The following RARB variants were observed in gnomAD, a reference collection of about 807,000 sequenced individuals.
RARB encodes the protein HBV-activated protein.
In RARB, 17 loss-of-function variants were observed where a neutral mutation model predicts 51.9. The ratio of observed to expected loss-of-function variants is 0.33; its 90% CI spans 0.22 to 0.49. The LOEUF (loss-of-function observed/expected upper bound fraction) is 0.49, where lower values mean the gene tolerates loss of function less well. RARB is among the 20% of genes least tolerant of loss of function. The pLI is 0.99. For missense variants in RARB, 369 were observed against 550.8 expected, an observed-to-expected ratio of 0.67 and a Z score of 3.30; for synonymous variants, 215 against 195.4, an observed-to-expected ratio of 1.10 and a Z score of -0.84.
chr3:25,490,800 T>C (rs1696695119), intron 2 of RARB, among the ~76,000 whole-genome samples: 1 of 152,200 alleles, frequency 6.6e-6, no homozygotes, highest in Admixed American at 6.5e-5. Context: ...TCGGTAACTA[T>C]GGATTTCACC....
chr3:25,211,179 A>T (rs772917490), intron 5 of RARB, among the ~76,000 whole-genome samples: 9 of 152,238 alleles, frequency 5.9e-5, no homozygotes, highest in African/African-American at 9.6e-5. Flanking sequence ...ACCAAGGACC[A>T]AGATAGACAT....
intron 3 of RARB, among the ~76,000 whole-genome samples, chr3:25,534,902 G>A (rs145163443): frequency 1.4e-3 from 207 of 152,130 alleles, no homozygotes; most frequent in African/African-American, 4.9e-3. Flanking sequence ...CTTCCTTCAG[G>A]TGCACCCAGA....
chr3:24,913,276 G>A (rs189898481), intron 2 of RARB, among the ~76,000 whole-genome samples: 66 of 151,978 alleles, frequency 4.3e-4, no homozygotes, highest in South Asian at 3.9e-3. Context: ...GAGCCACCGC[G>A]CCCAGCCGGT....
At chr3:25,266,477 T>C (rs1406881473) in intron 5 of RARB, among the ~76,000 whole-genome samples, 1 of 152,178 alleles carries the variant, frequency 6.6e-6, no homozygotes, top group African/African-American at 2.4e-5. Context: ...TGCAAATATT[T>C]TTTCTTAATT....
intron 5 of RARB, among the ~76,000 whole-genome samples, chr3:25,286,477 T>C (rs1703660317): frequency 6.6e-6 from 1 of 152,206 alleles, no homozygotes; most frequent in African/African-American, 2.4e-5. Flanking sequence ...AGAAGCCCTC[T>C]GATGTTTCTC....
At chr3:24,829,936 G>C (rs1702257999) in intron 1 of RARB, among the ~76,000 whole-genome samples, 1 of 152,214 alleles carries the variant, frequency 6.6e-6, no homozygotes, top group Non-Finnish European at 1.5e-5. Context: ...CTCCAGGCCG[G>C]GGTGTCGGAC....
intron 5 of RARB, among the ~76,000 whole-genome samples, chr3:25,202,835 G>A (rs1701431067): frequency 6.6e-6 from 1 of 152,200 alleles, no homozygotes; most frequent in Non-Finnish European, 1.5e-5. Flanking sequence ...TACTTTTGCT[G>A]AGGAGTGCTT....
intron 4 of RARB, among the ~76,000 whole-genome samples, chr3:25,149,733 G>C (rs321535): frequency 0.97 from 147,324 of 152,308 alleles, 71,277 homozygotes; most frequent in African/African-American, 0.99. Flanking sequence ...CTGTCCCTCT[G>C]TCCCACCTCC....
At chr3:25,274,234 A>G (rs1410784840) in intron 5 of RARB, among the ~76,000 whole-genome samples, 3 of 152,238 alleles carry the variant, frequency 2.0e-5, no homozygotes, top group Non-Finnish European at 2.9e-5. Context: ...TAACTAGTAT[A>G]CATTTTGTTT....
rs1377531256 is a variant in RARB, at chr3:25,167,461, G to A, written c.-279-6658G>A. On this transcript the variant is annotated intron_variant, in intron 4 of 11. Transcript: ENST00000383772. Reference sequence around the variant, plus strand: ...ACAAAGTACTGAAAGCAGATTGCTAGGTGTCTAAAGAAGAAGATGAAAAGG... The same window carrying A: ...ACAAAGTACTGAAAGCAGATTGCTAAGTGTCTAAAGAAGAAGATGAAAAGG... 2.0e-5 allele frequency among the ~76,000 whole-genome samples: 3 copies of A among 152,170 alleles called. 1 individual carries two copies. The highest frequency in any genetic ancestry group is 2.0e-4 in the Admixed American group (3 of 15,276).
chr3:25,186,884 CCTGTGTGT>C (rs1361737337), intron 5 of RARB, among the ~76,000 whole-genome samples: 31 of 58,818 alleles, frequency 5.3e-4, no homozygotes, highest in African/African-American at 1.5e-3. Flanking sequence ...AAAAGGTAAG[CCTGTGTGT>C]GTGTGTGTGT....
chr3:25,125,122 T>C (rs554524196), intron 3 of RARB, among the ~76,000 whole-genome samples: 6 of 152,272 alleles, frequency 3.9e-5, no homozygotes, highest in Admixed American at 6.5e-5. Flanking sequence ...TCAAAAAATA[T>C]TGATTTTTTT....
chr3:25,322,798 A>G (rs17016187), intron 5 of RARB, among the ~76,000 whole-genome samples: 32,143 of 152,092 alleles, frequency 0.21, 3,808 homozygotes, highest in African/African-American at 0.32. Flanking sequence ...GCACATAAGC[A>G]CAGATACCCA....
At chr3:24,853,080 C>T (rs1427105613) in intron 1 of RARB, among the ~76,000 whole-genome samples, 1 of 151,504 alleles carries the variant, frequency 6.6e-6, no homozygotes, top group African/African-American at 2.4e-5. Context: ...TTTGGGAGGC[C>T]GAGACGGGTG....
chr3:25,455,440 A>T (rs181275572), intron 1 of RARB, among the ~76,000 whole-genome samples: 3 of 152,334 alleles, frequency 2.0e-5, no homozygotes, highest in Admixed American at 1.3e-4. Context: ...CACTTTGAGG[A>T]ACATTGATTT....
intron 2 of RARB, among the ~76,000 whole-genome samples, chr3:24,879,405 G>A (rs957420826): frequency 3.0e-4 from 45 of 151,240 alleles, no homozygotes; most frequent in Non-Finnish European, 5.3e-4. Flanking sequence ...TTCCAGCCTG[G>A]GCGACAGAGC....
chr3:24,853,362 T>A (rs1360698526), intron 1 of RARB, among the ~76,000 whole-genome samples: 1 of 152,174 alleles, frequency 6.6e-6, no homozygotes, highest in Non-Finnish European at 1.5e-5. Flanking sequence ...TTTATAGATT[T>A]TGATTATTTC....
chr3:24,956,062 G>A (rs1696008119), intron 2 of RARB, among the ~76,000 whole-genome samples: 1 of 152,142 alleles, frequency 6.6e-6, no homozygotes, highest in African/African-American at 2.4e-5. Context: ...TCTCTGAATT[G>A]AGGGGTTGGG....
chr3:25,356,967 A>G (rs146054248), intron 5 of RARB, among the ~76,000 whole-genome samples: 5,747 of 152,300 alleles, frequency 0.038, 145 homozygotes, highest in Middle Eastern at 0.065. Context: ...TAGTGCTGCA[A>G]TAAACATACG....
Sources: allele counts gnomAD v4.1 joint callset (sites outside exome capture counted in the v4.1 genomes callset), GRCh38; gene constraint gnomAD v4.1.1; transcripts MANE v1.5; gene names NCBI Gene and HGNC (gene_info 2026-07-23, HGNC 2026-07-21).